Variants in CNBD1 observed in about 807,000 individuals in gnomAD.
CNBD1 encodes the protein cyclic nucleotide-binding domain-containing protein 1.
CNBD1 carries 71 observed loss-of-function variants against 54.4 expected under a neutral mutation model. The ratio of observed to expected loss-of-function variants is 1.30; its 90% CI spans 1.08 to 1.59. The LOEUF is 1.59. Among genes scored for constraint, CNBD1 ranks in the 40% most tolerant of loss-of-function variants. The pLI is 0.00. For synonymous variants in CNBD1, 182 were observed against 170.7 expected (o/e 1.07, Z -0.51); for missense variants, 659 against 518.0 (o/e 1.27, Z -2.64).
At chr8:87,308,539 T>A (rs1368561580) in intron 8 of CNBD1, among the ~76,000 whole-genome samples, 1 of 152,188 alleles carries the variant, frequency 6.6e-6, no homozygotes, top group Non-Finnish European at 1.5e-5. Flanking sequence ...CATGATCAAA[T>A]CAGTGTATTT....
At chr8:87,189,004 A>T (rs1813543406) in intron 4 of CNBD1, among the ~76,000 whole-genome samples, 1 of 152,030 alleles carries the variant, frequency 6.6e-6, no homozygotes, top group Non-Finnish European at 1.5e-5. Context: ...TTTCACAGAG[A>T]AATGCAGCTT....
intron 2 of CNBD1, among the ~76,000 whole-genome samples, chr8:87,416,078 A>G (rs1308375187): frequency 1.3e-5 from 2 of 151,572 alleles, no homozygotes; most frequent in Non-Finnish European, 2.9e-5. Flanking sequence ...CTTTCTCAAT[A>G]CAACAATGTT....
At chr8:86,941,219 G>A (rs1381905287) in intron 4 of CNBD1, among the ~76,000 whole-genome samples, 3 of 152,072 alleles carry the variant, frequency 2.0e-5, no homozygotes, top group African/African-American at 7.2e-5. Context: ...AATTATAGAA[G>A]GAAATCTTAA....
intron 2 of CNBD1, among the ~76,000 whole-genome samples, chr8:87,420,317 C>T (rs903176512): frequency 1.7e-4 from 26 of 152,012 alleles, no homozygotes; most frequent in African/African-American, 6.3e-4. Context: ...TTTTAAATTA[C>T]ATCCTGTAGA....
At chr8:86,932,219 A>G (rs143030064) in intron 3 of CNBD1, among the ~76,000 whole-genome samples, 118 of 152,304 alleles carry the variant, frequency 7.7e-4, no homozygotes, top group African/African-American at 2.8e-3. Flanking sequence ...CCTGTAGGAC[A>G]TCTATATCCC....
At chr8:87,021,866 T>C (rs1809494794) in intron 4 of CNBD1, among the ~76,000 whole-genome samples, 2 of 152,190 alleles carry the variant, frequency 1.3e-5, no homozygotes, top group South Asian at 4.1e-4. Flanking sequence ...GTGTCTAGTA[T>C]TTACCAGATT....
intron 1 of CNBD1, among the ~76,000 whole-genome samples, chr8:86,884,108 C>T (rs1808644127): frequency 6.6e-6 from 1 of 151,416 alleles, no homozygotes; most frequent in Admixed American, 6.6e-5. Flanking sequence ...GCCGAGATCC[C>T]GCCACTGCAC....
chr8:87,371,071 T>A (rs937917227), intron 10 of CNBD1, among the ~76,000 whole-genome samples: 7 of 150,990 alleles, frequency 4.6e-5, no homozygotes, highest in African/African-American at 1.7e-4. Context: ...GGCTGTGTTC[T>A]GTTCCATTGA....
At position 87,243,800 on chromosome 8, in the gene CNBD1, T is replaced by G. The variant is rs560226725; in HGVS notation, c.771+6688T>G. On this transcript the variant is annotated intron_variant, in intron 6 of 10. Transcript: ENST00000518476. ...TTTCAATTAAACAAAAATACATAAA[T>G]GTCACATATCAAAACAAAAATACCA... is the stretch of plus-strand genomic sequence containing the variant. Among the ~76,000 whole-genome samples, 975 of 152,246 alleles carry G rather than the reference T, an allele frequency of 6.4e-3. 7 individuals carry two copies. Among genetic ancestry groups the G allele is most frequent in the Non-Finnish European group, 9.5e-3 (646 of 68,004 alleles).
chr8:87,081,196 TTG>T (rs1170769135), intron 4 of CNBD1, among the ~76,000 whole-genome samples: 1 of 152,136 alleles, frequency 6.6e-6, no homozygotes. Flanking sequence ...TTTTGATATG[TTG>T]TGTTATCATT....
intron 4 of CNBD1, among the ~76,000 whole-genome samples, chr8:87,044,081 A>G (rs1426532849): frequency 6.6e-6 from 1 of 152,110 alleles, no homozygotes; most frequent in Non-Finnish European, 1.5e-5. Flanking sequence ...TTTAGAAAGG[A>G]CTTTAGTTTT....
In CNBD1 at chr8:87,286,619, C is replaced by T; in HGVS notation, c.990C>T (p.Ser330=). 2.0e-6 allele frequency: 3 copies of T among 1,526,346 alleles called. No homozygotes were observed. Among genetic ancestry groups the T allele is most frequent in the East Asian group, 2.4e-5 (1 of 40,890 alleles). The allele number at this position is 1,526,346 out of a possible 1,614,324, so 94.6% of individuals were successfully genotyped here. Residue 330 remains serine, a synonymous_variant, in exon 8 of 11, where the codon TCC becomes TCT. Transcript: ENST00000518476. ...CPYYEEWPTL[S]IYELIALLKW... is the part of the protein sequence containing the mutation. ...ATTATGAGGAATGGCCTACTTTATC[C>T]ATATATGAGCTAATTGCACTCCTTA... is the stretch of plus-strand genomic sequence containing the variant.
chr8:87,101,941 T>G (rs1586257263), intron 4 of CNBD1, among the ~76,000 whole-genome samples: 1 of 149,716 alleles, frequency 6.7e-6, no homozygotes, highest in African/African-American at 2.5e-5. Flanking sequence ...CAGGCTGGAG[T>G]GCAGTGGTGC....
At chr8:87,372,580 G>T (rs1810835767) in intron 10 of CNBD1, among the ~76,000 whole-genome samples, 1 of 151,844 alleles carries the variant, frequency 6.6e-6, no homozygotes, top group South Asian at 2.1e-4. Context: ...AGGTAGAAAA[G>T]AGTCTATGCT....
chr8:87,073,164 C>T (rs1015626401), intron 4 of CNBD1, among the ~76,000 whole-genome samples: 4 of 151,802 alleles, frequency 2.6e-5, no homozygotes, highest in Non-Finnish European at 5.9e-5. Context: ...CAGTTATCTT[C>T]TTCTCTAAAC....
Position 86,905,153 on chromosome 8 carries a change from A to G in CNBD1, c.231A>G (p.Gln77=). ...AATATCCTAAAGTATTCCTGCACCAAAAACCCAGACTTCCTAAACTTTTCA... is the reference window on the plus strand; with the variant it reads ...AATATCCTAAAGTATTCCTGCACCAGAAACCCAGACTTCCTAAACTTTTCA... The part of the protein sequence containing the change: ...MKQYPKVFLH[Q]KPRLPKLFKQ... Residue 77 remains glutamine, a synonymous_variant, in exon 3 of 11, where the codon CAA becomes CAG. Transcript: ENST00000518476. 1.2e-6 allele frequency: 2 copies of G among 1,612,346 alleles called. No individual in the cohort carries two copies. Among genetic ancestry groups the G allele is most frequent in the Non-Finnish European group, 1.7e-6 (2 of 1,178,796 alleles).
intron 6 of CNBD1, among the ~76,000 whole-genome samples, chr8:87,237,421 G>GAT (rs1460416866): frequency 6.6e-6 from 1 of 152,068 alleles, no homozygotes; most frequent in African/African-American, 2.4e-5. Flanking sequence ...GGGAATAGGT[G>GAT]ATTTGAGGAG....
intron 10 of CNBD1, among the ~76,000 whole-genome samples, chr8:87,354,546 T>C (rs1223992267): frequency 6.6e-6 from 1 of 151,986 alleles, no homozygotes. Flanking sequence ...CCTATTGCTA[T>C]CCCTCCCCCT....
chr8:87,393,473 CT>C (rs1052785794), intron 2 of CNBD1, among the ~76,000 whole-genome samples: 25 of 151,784 alleles, frequency 1.6e-4, no homozygotes, highest in Non-Finnish European at 2.5e-4. Context: ...CATGAGTTCA[CT>C]TTTTTTACAA....
Sources: gnomAD v4.1 joint callset for allele counts (sites outside exome capture counted in the v4.1 genomes callset) on GRCh38, gnomAD v4.1.1 for gene constraint, MANE v1.5 for transcripts, NCBI Gene and HGNC (gene_info 2026-07-23, HGNC 2026-07-21) for gene names.